The following SLC22A9 variants were observed in gnomAD, a reference collection of about 807,000 sequenced individuals.
SLC22A9 encodes the protein organic anion transporter 7.
Under a neutral mutation model 50.1 loss-of-function variants are expected in SLC22A9, and 64 were observed. The observed-to-expected ratio is 1.28, with a 90% CI of 1.04 to 1.57. The LOEUF is 1.57. Ranked by LOEUF, SLC22A9 falls within the 40% of genes most tolerant of loss-of-function variation. The pLI is 0.00. For synonymous variants in SLC22A9, 261 were observed against 242.5 expected, an observed-to-expected ratio of 1.08 and a Z score of -0.71; for missense variants, 757 against 676.1, an observed-to-expected ratio of 1.12 and a Z score of -1.33.
At chr11:63,402,195 T>C (rs2014962884) in intron 6 of SLC22A9, among the ~76,000 whole-genome samples, 1 of 152,128 alleles carries the variant, frequency 6.6e-6, no homozygotes, top group South Asian at 2.1e-4. Flanking sequence ...CCAGGGCTGA[T>C]GTTCAGCGTG....
In SLC22A9 at chr11:63,386,434, C is replaced by CTTTTTTTTTTTTTTT. The variant is rs71065364; in HGVS notation, c.1073+4177_1073+4191dup. On this transcript the variant is annotated intron_variant, in intron 6 of 9. Transcript: ENST00000279178. ...AGCTATAAATCCACGTGGACCTGGA[C>CTTTTTTTTTTTTTTT]TTTTTTTTTTTTTTTTTTTTTTTTT... Among the ~76,000 whole-genome samples the CTTTTTTTTTTTTTTT allele has an allele frequency of 8.1e-4, 27 of 33,506 alleles. 5 individuals carry two copies. The highest frequency in any genetic ancestry group is 3.2e-3 in the African/African-American group (18 of 5,634). The allele number at this position is 33,506 out of a possible 152,430, so 22.0% of individuals were successfully genotyped here. A position where few individuals can be genotyped will look rare whatever the true frequency, so the allele number is the denominator to read the frequency against.
chr11:63,378,369 A>T (rs754043010), intron 5 of SLC22A9, among the ~76,000 whole-genome samples: 12 of 152,152 alleles, frequency 7.9e-5, no homozygotes, highest in Non-Finnish European at 1.3e-4. Flanking sequence ...TCGAAGGAGC[A>T]TACCTCAAAA....
chr11:63,378,837 A>G (rs758508937), intron 5 of SLC22A9, among the ~76,000 whole-genome samples: 1 of 152,168 alleles, frequency 6.6e-6, no homozygotes, highest in Non-Finnish European at 1.5e-5. Flanking sequence ...TACAATGAGA[A>G]CTACAAAGCA....
At chr11:63,379,433 A>G (rs933506502) in intron 5 of SLC22A9, among the ~76,000 whole-genome samples, 3 of 152,212 alleles carry the variant, frequency 2.0e-5, no homozygotes, top group African/African-American at 7.2e-5. Context: ...AGAAGATACC[A>G]TTCTGGACAA....
At chr11:63,404,984 G>A (rs2015012212) in intron 6 of SLC22A9, among the ~76,000 whole-genome samples, 1 of 152,086 alleles carries the variant, frequency 6.6e-6, no homozygotes, top group Non-Finnish European at 1.5e-5. Flanking sequence ...TGAATTGGGA[G>A]GGCAGTGTTC....
intron 1 of SLC22A9, 88 bp from the exon 2 acceptor site, chr11:63,371,047 A>T: frequency 1.1e-6 from 1 of 925,084 alleles, no homozygotes; most frequent in Non-Finnish European, 1.7e-6. Context: ...ACTTAATATT[A>T]GGAAACTTGC....
chr11:63,373,754 C>T lies in SLC22A9; in HGVS notation c.617C>T (p.Ser206Phe), dbSNP rs1156788273. 6.2e-7 allele frequency: 1 copy of T among 1,613,264 alleles called. No individual in the cohort carries two copies. The change falls in exon 3 of 10, where the codon TCT becomes TTT. Residue 206 changes from serine to phenylalanine, a missense_variant. Coordinates refer to ENST00000279178, the MANE Select transcript of SLC22A9 (RefSeq NM_080866.3). ...FLIYCSLRFL[S>F]GIAAMSLITN... is the part of the protein sequence containing the mutation. ...ATTTACTGCTCACTACGCTTCTTGT[C>T]TGGGATTGCTGCAATGAGCCTCATA... is the stretch of plus-strand genomic sequence containing the variant.
chr11:63,397,521 G>C (rs996805650), intron 6 of SLC22A9, among the ~76,000 whole-genome samples: 4 of 152,120 alleles, frequency 2.6e-5, no homozygotes, highest in Admixed American at 6.5e-5. Flanking sequence ...AGCAACCAGG[G>C]CTTAGAGTCA....
intron 6 of SLC22A9, among the ~76,000 whole-genome samples, chr11:63,396,833 G>C (rs1214529603): frequency 6.6e-6 from 1 of 152,056 alleles, no homozygotes; most frequent in Non-Finnish European, 1.5e-5. Context: ...TGTGTGAAAG[G>C]TCACATATCT....
chr11:63,381,671 C>T (rs1287187220), intron 5 of SLC22A9, among the ~76,000 whole-genome samples: 2 of 152,098 alleles, frequency 1.3e-5, no homozygotes, highest in Non-Finnish European at 2.9e-5. Context: ...CCCCTCCTTC[C>T]CCAACCTTCA....
intron 6 of SLC22A9, among the ~76,000 whole-genome samples, chr11:63,397,132 G>A (rs1488300134): frequency 6.6e-6 from 1 of 152,200 alleles, no homozygotes; most frequent in South Asian, 2.1e-4. Flanking sequence ...CAGACCCACA[G>A]ATATACTGAC....
At chr11:63,406,862 G>A (rs942349600) in intron 7 of SLC22A9, 151 bp downstream of exon 7, 2 of 887,166 alleles carry the variant, frequency 2.3e-6, no homozygotes, top group Non-Finnish European at 3.4e-6. Context: ...GACAGATTCT[G>A]CCACAAGTTG....
chr11:63,396,304 G>GC (rs963617890), intron 6 of SLC22A9, among the ~76,000 whole-genome samples: 4 of 152,114 alleles, frequency 2.6e-5, no homozygotes, highest in African/African-American at 9.7e-5. Flanking sequence ...TCTCTCCACA[G>GC]CCCCCCACAA....
At chr11:63,372,633 C>T (rs188630922) in intron 2 of SLC22A9, among the ~76,000 whole-genome samples, 28 of 152,138 alleles carry the variant, frequency 1.8e-4, no homozygotes, top group African/African-American at 5.8e-4. Context: ...TTTTTAAATA[C>T]TGAATTTTCT....
intron 6 of SLC22A9, among the ~76,000 whole-genome samples, chr11:63,394,719 G>T (rs1417360738): frequency 1.3e-5 from 2 of 152,098 alleles, no homozygotes; most frequent in African/African-American, 4.8e-5. Context: ...TTATCTATTT[G>T]AGATGAATTT....
chr11:63,384,512 G>C (rs1205899518), intron 6 of SLC22A9, among the ~76,000 whole-genome samples: 1 of 152,140 alleles, frequency 6.6e-6, no homozygotes, highest in South Asian at 2.1e-4. Context: ...TGGTGTACAT[G>C]TACCACATTT....
chr11:63,377,252 C>T (rs557247332), intron 5 of SLC22A9, among the ~76,000 whole-genome samples: 2 of 152,152 alleles, frequency 1.3e-5, no homozygotes, highest in South Asian at 4.2e-4. Context: ...ATACGTTATT[C>T]TCCTCTGCAC....
chr11:63,382,001 C>T (rs974216785), intron 5 of SLC22A9, among the ~76,000 whole-genome samples, 158 bp from the exon 6 acceptor site: 2 of 152,144 alleles, frequency 1.3e-5, no homozygotes, highest in African/African-American at 4.8e-5. Context: ...TCACTTTTCA[C>T]ATCATTTTTA....
At chr11:63,385,493 T>G (rs190838154) in intron 6 of SLC22A9, among the ~76,000 whole-genome samples, 35 of 152,272 alleles carry the variant, frequency 2.3e-4, no homozygotes, top group African/African-American at 8.4e-4. Flanking sequence ...TAGTTCACCT[T>G]GAAGAGGTCC....
Sources: allele counts gnomAD v4.1 joint callset (sites outside exome capture counted in the v4.1 genomes callset), GRCh38; gene constraint gnomAD v4.1.1; transcripts MANE v1.5; gene names NCBI Gene and HGNC (gene_info 2026-07-23, HGNC 2026-07-21).